The following MED12L variants were observed in gnomAD, a reference collection of about 807,000 sequenced individuals.
MED12L encodes mediator complex subunit 12L, also known as mediator of RNA polymerase II transcription subunit 12-like protein.
In MED12L, 60 loss-of-function variants were observed where a neutral mutation model predicts 281.3. The observed-to-expected ratio is 0.21, with a 90% confidence interval of 0.17 to 0.26. MED12L has a LOEUF of 0.26. Ranked by LOEUF, MED12L falls within the 10% of genes least tolerant of loss-of-function variation. The pLI is 1.00. For synonymous variants in MED12L, 974 were observed against 987.2 expected, an observed-to-expected ratio of 0.99 and a Z score of 0.25; for missense variants, 2,146 against 2,680.9, an observed-to-expected ratio of 0.80 and a Z score of 4.41.
chr3:151,185,043 A>G (rs756396791), intron 11 of MED12L, among the ~76,000 whole-genome samples: 1 of 152,064 alleles, frequency 6.6e-6, no homozygotes, highest in Non-Finnish European at 1.5e-5. Context: ...TTTGAGTTCT[A>G]GAGGGTAGCT....
At chr3:151,231,854 G>A (rs1423054519) in intron 16 of MED12L, among the ~76,000 whole-genome samples, 2 of 152,140 alleles carry the variant, frequency 1.3e-5, no homozygotes, top group East Asian at 3.8e-4. Context: ...TATTTAGAAG[G>A]GAAGGGTCAT....
At chr3:151,298,547 G>A (rs1434855712) in intron 16 of MED12L, among the ~76,000 whole-genome samples, 1 of 152,156 alleles carries the variant, frequency 6.6e-6, no homozygotes, top group Non-Finnish European at 1.5e-5. Context: ...AACCTACTTT[G>A]GTATTCTCTC....
chr3:151,298,029 T>C (rs774386307), intron 16 of MED12L, among the ~76,000 whole-genome samples: 2 of 152,212 alleles, frequency 1.3e-5, no homozygotes, highest in Non-Finnish European at 2.9e-5. Context: ...AAGAAGCAGA[T>C]GAGCCATTAC....
intron 16 of MED12L, among the ~76,000 whole-genome samples, chr3:151,204,309 A>G (rs1233785584): frequency 1.3e-5 from 2 of 152,192 alleles, no homozygotes; most frequent in South Asian, 2.1e-4. Context: ...AAAATGTCTC[A>G]AAAGATGAAA....
chr3:151,288,024 A>G (rs894539667), intron 16 of MED12L, among the ~76,000 whole-genome samples: 14 of 152,182 alleles, frequency 9.2e-5, no homozygotes, highest in East Asian at 1.9e-4. Context: ...GCTGATATCT[A>G]GAGATCTGGG....
At chr3:151,141,752 A>G (rs1412820017) in intron 5 of MED12L, among the ~76,000 whole-genome samples, 2 of 152,198 alleles carry the variant, frequency 1.3e-5, no homozygotes, top group Non-Finnish European at 2.9e-5. Context: ...GAGCAAATGA[A>G]TTAAGTTTAT....
chr3:151,133,263 G>T (rs908965951), intron 5 of MED12L, among the ~76,000 whole-genome samples: 1 of 152,164 alleles, frequency 6.6e-6, no homozygotes, highest in Non-Finnish European at 1.5e-5. Context: ...TTATTGAAGG[G>T]AACTTTTCCC....
rs1217669499 is a variant in MED12L, at chr3:151,156,299, A to G, written c.695A>G (p.Tyr232Cys). Residue 232 changes from tyrosine to cysteine, a missense_variant, in exon 6 of 45, where the codon TAC (tyrosine) becomes TGC (cysteine). By Grantham distance (194) the Tyr-to-Cys change is radical. Around this residue, in one of 9 missense-constraint regions of MED12L, gnomAD observed 722 missense variants for 861.2 expected, o/e 0.84. Transcript: ENST00000687756. ...EVEQAMKQWEYNEKLAFHMFQ... is the reference protein window; with the variant it reads ...EVEQAMKQWECNEKLAFHMFQ... Reference sequence around the variant, plus strand: ...GAGCAAGCCATGAAGCAATGGGAATACAACGAAAAGCTAGCATTTCACATG... The same window carrying G: ...GAGCAAGCCATGAAGCAATGGGAATGCAACGAAAAGCTAGCATTTCACATG... The G allele has an allele frequency of 6.2e-7, 1 of 1,611,690 alleles. No individual in the cohort carries two copies. The highest frequency in any genetic ancestry group is 2.2e-5 in the East Asian group (1 of 44,784).
intron 16 of MED12L, among the ~76,000 whole-genome samples, chr3:151,242,259 G>A (rs973111264): frequency 6.6e-6 from 1 of 152,252 alleles, no homozygotes; most frequent in Non-Finnish European, 1.5e-5. Context: ...GCTCAAACTG[G>A]GCGGAGCCCA....
intron 23 of MED12L, among the ~76,000 whole-genome samples, 164 bp downstream of exon 23, chr3:151,366,155 G>T (rs1236461192): frequency 2.0e-5 from 3 of 152,002 alleles, no homozygotes; most frequent in Admixed American, 2.0e-4. Flanking sequence ...CATTGCCAGG[G>T]ATTAAATACA....
intron 5 of MED12L, among the ~76,000 whole-genome samples, chr3:151,132,598 A>G (rs979334356): frequency 2.6e-5 from 4 of 152,268 alleles, no homozygotes; most frequent in African/African-American, 4.8e-5. Context: ...GGTGGTGTCT[A>G]TCGGATTTTT....
intron 7 of MED12L, among the ~76,000 whole-genome samples, chr3:151,159,103 C>T (rs1157735236): frequency 6.8e-6 from 1 of 147,730 alleles, no homozygotes; most frequent in Non-Finnish European, 1.5e-5. Flanking sequence ...CATATAATAA[C>T]ACAAATCTCT....
chr3:151,356,275 C>T (rs1340576790), intron 19 of MED12L, among the ~76,000 whole-genome samples: 1 of 151,950 alleles, frequency 6.6e-6, no homozygotes, highest in Non-Finnish European at 1.5e-5. Context: ...GCCTGTAGTC[C>T]CAGCTACTTG....
rs545023700 is a variant in MED12L at position 151,332,971 on chromosome 3, C to G, written c.2251-17088C>G. Among the ~76,000 whole-genome samples the G allele has an allele frequency of 5.4e-4, 82 of 152,202 alleles. 1 individual carries two copies. The highest frequency in any genetic ancestry group is 1.9e-3 in the African/African-American group (80 of 41,512). Reference sequence around the variant, plus strand: ...TCCATATGAATTCAATGTTTAGCTCCCACTAACAAGTGACAACATCTGGTG... The same window carrying G: ...TCCATATGAATTCAATGTTTAGCTCGCACTAACAAGTGACAACATCTGGTG... On this transcript the variant is annotated intron_variant, in intron 16 of 44. Coordinates refer to ENST00000687756, the MANE Select transcript of MED12L (RefSeq NM_001393769.1).
intron 11 of MED12L, among the ~76,000 whole-genome samples, chr3:151,184,496 G>A (rs1723044159): frequency 6.6e-6 from 1 of 152,170 alleles, no homozygotes; most frequent in South Asian, 2.1e-4. Context: ...TTAAAAACTT[G>A]TAGTTGATGT....
intron 21 of MED12L, among the ~76,000 whole-genome samples, chr3:151,362,543 C>T (rs1754740910): frequency 6.6e-6 from 1 of 152,098 alleles, no homozygotes; most frequent in Non-Finnish European, 1.5e-5. Flanking sequence ...AAATAGCACC[C>T]CCATGTCATC....
chr3:151,314,755 C>T (rs577032166), intron 16 of MED12L, among the ~76,000 whole-genome samples: 20 of 152,234 alleles, frequency 1.3e-4, no homozygotes, highest in African/African-American at 4.3e-4. Flanking sequence ...CCAACCCCAG[C>T]GTCTCAGCAT....
chr3:151,192,454 A>C, intron 14 of MED12L, 96 bp from the exon 15 acceptor site: 4 of 880,110 alleles, frequency 4.5e-6, no homozygotes, highest in Non-Finnish European at 7.2e-6. Flanking sequence ...AACAAAAGAC[A>C]GAGATGGTTA....
At chr3:151,268,963 G>A (rs1740344673) in intron 16 of MED12L, among the ~76,000 whole-genome samples, 1 of 152,178 alleles carries the variant, frequency 6.6e-6, no homozygotes, top group Non-Finnish European at 1.5e-5. Flanking sequence ...AAGAAGAATT[G>A]TGGTCTGGTT....
Sources: gnomAD v4.1 joint callset for allele counts (sites outside exome capture counted in the v4.1 genomes callset) on GRCh38, gnomAD v4.1.1 for gene constraint, gnomAD v4.1.1 regional missense constraint, MANE v1.5 for transcripts, NCBI Gene and HGNC (gene_info 2026-07-23, HGNC 2026-07-21) for gene names.